The following SLC22A24 variants were observed in gnomAD, a reference collection of about 807,000 sequenced individuals.
SLC22A24 encodes the protein steroid transmembrane transporter SLC22A24.
In SLC22A24, 53 loss-of-function variants were observed where a neutral mutation model predicts 49.8. The ratio of observed to expected loss-of-function variants is 1.06; its 90% CI spans 0.85 to 1.34. SLC22A24 has a LOEUF of 1.34. Among genes scored for constraint, SLC22A24 ranks in the 40% most tolerant of loss-of-function variants. The pLI is 0.00. For synonymous variants in SLC22A24, 302 were observed against 256.4 expected (o/e 1.18, Z -1.70); for missense variants, 786 against 675.9 (o/e 1.16, Z -1.81).
At chr11:63,105,499 T>C (rs2087115389) in intron 4 of SLC22A24, among the ~76,000 whole-genome samples, 1 of 152,094 alleles carries the variant, frequency 6.6e-6, no homozygotes, top group Non-Finnish European at 1.5e-5. Context: ...ATTTTTAACT[T>C]CTGTGCACCT....
chr11:63,102,040 A>T (rs941719421), intron 5 of SLC22A24, among the ~76,000 whole-genome samples: 10 of 152,144 alleles, frequency 6.6e-5, no homozygotes, highest in African/African-American at 1.2e-4. Context: ...CAACAGTGTG[A>T]CTAAAGTGAA....
At chr11:63,138,662 AAAAAAAAG>A (rs1345039509) in intron 1 of SLC22A24, among the ~76,000 whole-genome samples, 17 of 151,354 alleles carry the variant, frequency 1.1e-4, no homozygotes, top group African/African-American at 3.2e-4. Context: ...AAAAAAAAAA[AAAAAAAAG>A]AAATTGGCTT....
At chr11:63,127,516 A>T (rs949870007) in intron 2 of SLC22A24, among the ~76,000 whole-genome samples, 1 of 152,168 alleles carries the variant, frequency 6.6e-6, no homozygotes, top group African/African-American at 2.4e-5. Flanking sequence ...GCTGGGTCAA[A>T]TGGTACTTCT....
intron 6 of SLC22A24, among the ~76,000 whole-genome samples, chr11:63,087,852 T>C (rs2086996688): frequency 6.6e-6 from 1 of 152,102 alleles, no homozygotes; most frequent in East Asian, 1.9e-4. Flanking sequence ...CAAGACTGCT[T>C]CTCTAGATTT....
At chr11:63,097,378 C>T (rs1229800444) in intron 5 of SLC22A24, among the ~76,000 whole-genome samples, 1 of 152,256 alleles carries the variant, frequency 6.6e-6, no homozygotes, top group East Asian at 1.9e-4. Context: ...CAGTAAGTTA[C>T]CATCTCATGC....
chr11:63,080,488 A>G (rs1018954887), intron 9 of SLC22A24, among the ~76,000 whole-genome samples: 1 of 152,148 alleles, frequency 6.6e-6, no homozygotes, highest in African/African-American at 2.4e-5. Context: ...CTGAAGCAAT[A>G]ATTAGGTATG....
intron 5 of SLC22A24, 162 bp downstream of exon 5, chr11:63,104,013 C>T: frequency 6.6e-6 from 4 of 609,200 alleles, no homozygotes; most frequent in South Asian, 3.3e-5. Context: ...TATCTATATC[C>T]AAATCTTTGA....
At chr11:63,137,322 T>G (rs1330696574) in intron 1 of SLC22A24, among the ~76,000 whole-genome samples, 2 of 152,196 alleles carry the variant, frequency 1.3e-5, no homozygotes, top group Non-Finnish European at 2.9e-5. Context: ...GCTGTCCATC[T>G]CATCTTTGTG....
At chr11:63,081,816 A>T (rs987492553) in intron 7 of SLC22A24, 150 bp from the exon 8 acceptor site, 77 of 644,654 alleles carry the variant, frequency 1.2e-4, no homozygotes, top group Admixed American at 1.1e-3. Context: ...AATGGTTGCG[A>T]GGCTGAGAAA....
chr11:63,120,955 A>G (rs1395926599), intron 2 of SLC22A24, among the ~76,000 whole-genome samples: 1 of 152,200 alleles, frequency 6.6e-6, no homozygotes, highest in African/African-American at 2.4e-5. Flanking sequence ...ATGAGAATGT[A>G]TATATCCTCA....
At chr11:63,125,063 C>G (rs943527876) in intron 2 of SLC22A24, among the ~76,000 whole-genome samples, 18 of 151,818 alleles carry the variant, frequency 1.2e-4, no homozygotes, top group African/African-American at 4.4e-4. Flanking sequence ...TGTAACTAAC[C>G]TGCACATTGT....
At position 63,143,897 on chromosome 11, in the gene SLC22A24, C is replaced by T; in HGVS notation, c.-118G>A. On this transcript the variant is annotated 5_prime_UTR_variant, in exon 1 of 10. Transcript: ENST00000612278. ...TAGTGCCATGTGGATCCTGACACTG[C>T]TTTCTTCTTGGTGGGCCCTGCACTG... 1 of 861,802 alleles carries T rather than the reference C, an allele frequency of 1.2e-6. No individual in the cohort carries two copies. The highest frequency in any genetic ancestry group is 1.6e-6 in the Non-Finnish European group (1 of 634,952). The allele number at this position is 861,802 out of a possible 1,614,324, so 53.4% of individuals were successfully genotyped here.
intron 4 of SLC22A24, among the ~76,000 whole-genome samples, chr11:63,117,191 A>G (rs541241021): frequency 2.0e-5 from 3 of 152,274 alleles, no homozygotes; most frequent in Admixed American, 6.5e-5. Context: ...TAATGTAACA[A>G]TTCTGGAAAT....
intron 4 of SLC22A24, among the ~76,000 whole-genome samples, chr11:63,105,594 T>C (rs2087115842): frequency 6.6e-6 from 1 of 152,158 alleles, no homozygotes; most frequent in Admixed American, 6.5e-5. Context: ...TTGGCCCGTT[T>C]TGGCCATGGC....
In SLC22A24 at chr11:63,134,707, C is replaced by T. The variant is rs752239055; in HGVS notation, c.464G>A (p.Gly155Glu). Residue 155 changes from glycine (G) to glutamate (E), a missense_variant, in exon 2 of 10, where the codon GGG (glycine) becomes GAG (glutamate). By Grantham distance (98) the Gly-to-Glu change is moderately conservative. Coordinates refer to ENST00000612278, the MANE Select transcript of SLC22A24 (RefSeq NM_001136506.2). ...KSMVQSLFMAGSLLGGLIYGH... is the reference protein window; with the variant it reads ...KSMVQSLFMAESLLGGLIYGH... ...ATATATTAGACCTCCCAGAAGTGACCCAGCCATAAATAGGGATTGAACCAT... is the reference window on the plus strand; with the variant it reads ...ATATATTAGACCTCCCAGAAGTGACTCAGCCATAAATAGGGATTGAACCAT... The T allele has an allele frequency of 6.4e-7, 1 of 1,559,038 alleles. No individual in the cohort carries two copies. Among genetic ancestry groups the T allele is most frequent in the Non-Finnish European group, 8.7e-7 (1 of 1,150,428 alleles).
intron 4 of SLC22A24, among the ~76,000 whole-genome samples, chr11:63,110,423 A>T (rs928768515): frequency 5.9e-5 from 9 of 151,598 alleles, no homozygotes; most frequent in Non-Finnish European, 1.2e-4. Context: ...CATTGAATCT[A>T]TAAATTATCT....
At chr11:63,138,224 C>T (rs1011313618) in intron 1 of SLC22A24, among the ~76,000 whole-genome samples, 1 of 152,138 alleles carries the variant, frequency 6.6e-6, no homozygotes, top group Non-Finnish European at 1.5e-5. Flanking sequence ...CTTAAGAGCT[C>T]AACCTTGTGA....
Position 63,096,134 on chromosome 11 carries a change from TTTG to T in SLC22A24, c.955-31_955-29del. 3 of 1,396,738 alleles carry T rather than the reference TTTG, an allele frequency of 2.1e-6. 1 individual carries two copies. The allele number at this position is 1,396,738 out of a possible 1,614,324, so 86.5% of individuals were successfully genotyped here. The stretch of plus-strand genomic sequence containing the variant: ...TCAGCAACAAAAATAACAACAAGCA[TTTG>T]TGAGATGTCAATAATGTGTCAGGCA... On this transcript the variant is annotated intron_variant, in intron 5 of 9. Transcript: ENST00000612278.
At chr11:63,107,016 C>A (rs1157407079) in intron 4 of SLC22A24, among the ~76,000 whole-genome samples, 1 of 152,130 alleles carries the variant, frequency 6.6e-6, no homozygotes, top group East Asian at 1.9e-4. Context: ...ATGCCTATGA[C>A]CTGAATGGTA....
Sources: allele counts gnomAD v4.1 joint callset (sites outside exome capture counted in the v4.1 genomes callset), GRCh38; gene constraint gnomAD v4.1.1; transcripts MANE v1.5; gene names NCBI Gene and HGNC (gene_info 2026-07-23, HGNC 2026-07-21).